SLC5A4: variants seen among roughly 807,000 people sequenced by gnomAD.
SLC5A4 encodes probable glucose sensor protein SLC5A4.
SLC5A4 carries 55 observed loss-of-function variants against 70.3 expected under a neutral mutation model. The observed-to-expected ratio is 0.78, with a 90% CI of 0.63 to 0.98. SLC5A4 has a LOEUF of 0.98. Ranked by LOEUF, SLC5A4 falls within the 50% of genes least tolerant of loss-of-function variation. SLC5A4 has a pLI of 0.00. For missense variants in SLC5A4, 735 were observed against 839.2 expected (o/e 0.88, Z 1.53); for synonymous variants, 268 against 305.7 (o/e 0.88, Z 1.29).
chr22:32,331,214 CTGTGTGTTGGGGGCTGTG>C, the SLC5A4 span, among the ~76,000 whole-genome samples: 27 of 83,940 alleles, frequency 3.2e-4, no homozygotes, highest in Admixed American at 1.4e-3. Flanking sequence ...GTATTGGGGG[CTGTGTGTTGGGGGCTGTG>C]TGTGTGTTGG....
chr22:32,332,972 C>T, the SLC5A4 span, among the ~76,000 whole-genome samples: 1 of 152,310 alleles, frequency 6.6e-6, no homozygotes, highest in African/African-American at 2.4e-5. Context: ...TTTTCAAATC[C>T]ATTCTTACCC....
In SLC5A4 at chr22:32,251,906, G is replaced by A. The variant is rs748494090; in HGVS notation, c.208-32C>T. On this transcript the variant is annotated intron_variant, in intron 2 of 14. Transcript: ENST00000266086. ...TGCAAGAGAACAGACTAGGGTTGGAGTTAAAAGATCCAAATCAGACTTCTT... is the reference window on the plus strand; with the variant it reads ...TGCAAGAGAACAGACTAGGGTTGGAATTAAAAGATCCAAATCAGACTTCTT... 17 of 1,495,732 alleles carry A rather than the reference G, an allele frequency of 1.1e-5. No homozygotes were observed. The East Asian group carries it at 3.8e-4, about 34-fold the overall frequency. The allele number at this position is 1,495,732 out of a possible 1,614,324, so 92.7% of individuals were successfully genotyped here. A position where few individuals can be genotyped will look rare whatever the true frequency, so the allele number is the denominator to read the frequency against.
Position 32,247,518 on chromosome 22 carries a change from G to A in SLC5A4, c.373-3C>T, listed in dbSNP as rs1238384786. Reference sequence around the variant, plus strand: ...AGATATTCCGGCATGGTCATCACCTGCAGAGACAGACATTGACAGGGACTT... The same window carrying A: ...AGATATTCCGGCATGGTCATCACCTACAGAGACAGACATTGACAGGGACTT... On this transcript the variant is annotated splice_polypyrimidine_tract_variant and splice_region_variant and intron_variant, in intron 4 of 14. Transcript: ENST00000266086. 2 of 1,602,788 alleles carry A rather than the reference G, an allele frequency of 1.2e-6. No individual in the cohort carries two copies. Among genetic ancestry groups the A allele is most frequent in the Non-Finnish European group, 1.7e-6 (2 of 1,169,784 alleles).
At chr22:32,335,880 A>C in the SLC5A4 span, among the ~76,000 whole-genome samples, 2 of 152,188 alleles carry the variant, frequency 1.3e-5, no homozygotes, top group Admixed American at 1.3e-4. Context: ...AGGAGCAGGG[A>C]GCGAGCATCC....
the SLC5A4 span, among the ~76,000 whole-genome samples, chr22:32,305,470 A>G: frequency 2.0e-5 from 3 of 148,886 alleles, no homozygotes; most frequent in African/African-American, 7.5e-5. Flanking sequence ...CTCTCTGGAG[A>G]AAAACAGTAT....
chr22:32,270,128 C>A, the SLC5A4 span: 3 of 567,998 alleles, frequency 5.3e-6, no homozygotes, highest in Middle Eastern at 3.3e-4. Context: ...TGTCACAGGA[C>A]GACATGGACG....
chr22:32,224,619 C>A, intron 12 of SLC5A4, 137 bp from the exon 13 acceptor site: 1 of 678,266 alleles, frequency 1.5e-6, no homozygotes. Flanking sequence ...AGGTTACCGA[C>A]ATAGAGAAAA....
the SLC5A4 span, among the ~76,000 whole-genome samples, chr22:32,326,649 G>C: frequency 3.3e-5 from 5 of 152,128 alleles, no homozygotes; most frequent in African/African-American, 9.7e-5. Context: ...AAACAGTACA[G>C]GGACATCAAG....
rs867809551 is a variant in SLC5A4, at chr22:32,237,294, G to T, written c.614C>A (p.Thr205Asn). The part of the protein sequence containing the change: ...GGLASVIYTD[T>N]LQTIIMLIGS... ...AATCAGCATGATGATGGTCTGGAGG[G>T]TGTCTGTGTAAATCACCGAGGCCAA... The change falls in exon 7 of 15, where the codon ACC (threonine) becomes AAC (asparagine). Residue 205 changes from threonine (T) to asparagine (N), a missense_variant. Thr to Asn is a moderately conservative substitution (Grantham distance 65, BLOSUM62 0). Coordinates refer to ENST00000266086, the MANE Select transcript of SLC5A4 (RefSeq NM_014227.3). The T allele has an allele frequency of 6.2e-6, 10 of 1,608,104 alleles. No homozygotes were observed. Among genetic ancestry groups the T allele is most frequent in the East Asian group, 2.2e-5 (1 of 44,732 alleles).
the SLC5A4 span, among the ~76,000 whole-genome samples, chr22:32,341,528 C>T: frequency 6.6e-6 from 1 of 152,192 alleles, no homozygotes; most frequent in African/African-American, 2.4e-5. Flanking sequence ...CCTGGCTGAC[C>T]AGTGCTTAGT....
chr22:32,325,680 C>T, the SLC5A4 span, among the ~76,000 whole-genome samples: 6 of 152,372 alleles, frequency 3.9e-5, no homozygotes, highest in South Asian at 4.1e-4. Context: ...ATCTCCTCTG[C>T]GCCGGGCACT....
chr22:32,238,894 G>A, intron 6 of SLC5A4, 91 bp downstream of exon 6: 1 of 873,924 alleles, frequency 1.1e-6, no homozygotes, highest in Non-Finnish European at 1.9e-6. Flanking sequence ...TACCTCGGCA[G>A]TGACAAGGTT....
the SLC5A4 span, among the ~76,000 whole-genome samples, chr22:32,333,718 A>G: frequency 6.6e-6 from 1 of 152,022 alleles, no homozygotes; most frequent in Non-Finnish European, 1.5e-5. Context: ...TGCCCAGGAC[A>G]GTAAACATCC....
upstream of SLC5A4, among the ~76,000 whole-genome samples, chr22:32,256,487 C>T (rs1927495475): frequency 6.6e-6 from 1 of 152,194 alleles, no homozygotes; most frequent in Non-Finnish European, 1.5e-5. Flanking sequence ...AGTACATTTA[C>T]AGTGTTATGC....
intron 11 of SLC5A4, among the ~76,000 whole-genome samples, chr22:32,227,375 C>A (rs533763168): frequency 6.6e-6 from 1 of 152,192 alleles, no homozygotes; most frequent in African/African-American, 2.4e-5. Flanking sequence ...TACTCCCTCT[C>A]CTACAGCATT....
the SLC5A4 span, among the ~76,000 whole-genome samples, chr22:32,290,160 C>T: frequency 6.6e-6 from 1 of 152,046 alleles, no homozygotes. Flanking sequence ...TACACATGTG[C>T]CGTGGTGGTT....
At chr22:32,266,742 A>G in the SLC5A4 span, among the ~76,000 whole-genome samples, 1 of 152,342 alleles carries the variant, frequency 6.6e-6, no homozygotes, top group South Asian at 2.1e-4. Context: ...AGCCTTACCC[A>G]TAATATCAAG....
the SLC5A4 span, among the ~76,000 whole-genome samples, chr22:32,325,349 T>C: frequency 6.6e-6 from 1 of 152,092 alleles, no homozygotes; most frequent in Non-Finnish European, 1.5e-5. Flanking sequence ...CTAGCAGTCT[T>C]GGGGCCCTGG....
At chr22:32,293,977 T>G in the SLC5A4 span, among the ~76,000 whole-genome samples, 1 of 152,158 alleles carries the variant, frequency 6.6e-6, no homozygotes, top group Non-Finnish European at 1.5e-5. Flanking sequence ...AGTTTGTAAG[T>G]CTAATTGTGC....
Sources: gnomAD v4.1 joint callset for allele counts (sites outside exome capture counted in the v4.1 genomes callset) on GRCh38, gnomAD v4.1.1 for gene constraint, MANE v1.5 for transcripts, NCBI Gene and HGNC (gene_info 2026-07-23, HGNC 2026-07-21) for gene names.